PDE8B: variants seen among roughly 807,000 people sequenced by gnomAD.
PDE8B encodes the protein phosphodiesterase 8B.
A neutral mutation model predicts 101.3 loss-of-function variants in PDE8B; 26 were observed. The observed-to-expected ratio is 0.26, with a 90% CI of 0.19 to 0.36. The LOEUF (loss-of-function observed/expected upper bound fraction) is 0.36. Among genes scored for constraint, PDE8B ranks in the 10% least tolerant of loss-of-function variants. The probability of loss-of-function intolerance (pLI) is 1.00; values close to 1 mark genes in which losing one functional copy is unlikely to be tolerated. For missense variants in PDE8B, 810 were observed against 1,163.1 expected (o/e 0.70, Z 4.42); for synonymous variants, 424 against 429.3 (o/e 0.99, Z 0.15).
intron 3 of PDE8B, 84 bp downstream of exon 3, chr5:77,325,813 T>C: frequency 1.0e-6 from 1 of 962,706 alleles, no homozygotes; most frequent in East Asian, 2.6e-5. Context: ...TTTAGTTTAT[T>C]TCAAATATTT....
the PDE8B span, among the ~76,000 whole-genome samples, chr5:77,198,314 CTGTT>C: frequency 2.6e-5 from 4 of 152,136 alleles, no homozygotes; most frequent in Non-Finnish European, 5.9e-5. Flanking sequence ...GCTCTGTAAA[CTGTT>C]TGCTTACAGC....
the PDE8B span, among the ~76,000 whole-genome samples, chr5:77,154,859 G>C: frequency 2.0e-5 from 3 of 152,224 alleles, no homozygotes; most frequent in Non-Finnish European, 4.4e-5. Context: ...ATGGTGCCCT[G>C]CAGTGGATTC....
At chr5:77,283,696 C>T (rs891750658) in intron 1 of PDE8B, among the ~76,000 whole-genome samples, 1 of 152,146 alleles carries the variant, frequency 6.6e-6, no homozygotes, top group African/African-American at 2.4e-5. Flanking sequence ...GAGTAATATT[C>T]CATCATTAGA....
Position 77,418,261 on chromosome 5 carries a change from C to A in PDE8B, c.1944C>A (p.Ala648=). The change falls in exon 18 of 22, where the codon GCC becomes GCA. Residue 648 remains alanine, a synonymous_variant. Transcript: ENST00000264917. The part of the protein sequence containing the change: ...GSLDQLDEVA[A]LIAATVHDVD... ...TCGATCAGTTGGATGAGGTGGCAGC[C>A]CTCATTGCTGCCACAGTCCATGACG... 1 of 1,612,476 alleles carries A rather than the reference C, an allele frequency of 6.2e-7. No individual in the cohort carries two copies. Among genetic ancestry groups the A allele is most frequent in the African/African-American group, 1.3e-5 (1 of 75,004 alleles).
At chr5:77,287,918 G>A (rs927115920) in intron 1 of PDE8B, among the ~76,000 whole-genome samples, 7 of 152,198 alleles carry the variant, frequency 4.6e-5, no homozygotes, top group Middle Eastern at 3.4e-3. Context: ...GATCTTCCAC[G>A]TGTCTGTTTA....
the PDE8B span, among the ~76,000 whole-genome samples, chr5:77,097,709 A>ATATATATATATC: frequency 3.0e-5 from 1 of 33,710 alleles, no homozygotes; most frequent in African/African-American, 5.1e-5. Context: ...ATATATATCT[A>ATATATATATATC]TATATATATA....
the PDE8B span, among the ~76,000 whole-genome samples, chr5:77,102,392 C>T: frequency 2.6e-5 from 4 of 152,172 alleles, no homozygotes; most frequent in African/African-American, 9.7e-5. Flanking sequence ...GATTTCTTGA[C>T]ATCTCACAGC....
intron 1 of PDE8B, among the ~76,000 whole-genome samples, chr5:77,223,550 A>G (rs1288964960): frequency 1.3e-5 from 2 of 152,132 alleles, no homozygotes; most frequent in Admixed American, 1.3e-4. Context: ...TGAAATTTAC[A>G]TCAAGGTTCT....
At chr5:77,197,182 G>A in the PDE8B span, among the ~76,000 whole-genome samples, 5 of 146,424 alleles carry the variant, frequency 3.4e-5, no homozygotes, top group African/African-American at 1.0e-4. Context: ...GCATGATCTC[G>A]GCTCACTTCA....
chr5:77,291,678 G>C, intron 1 of PDE8B: 1 of 1,596,044 alleles, frequency 6.3e-7, no homozygotes, highest in Non-Finnish European at 8.6e-7. Flanking sequence ...CTTTGGAGGA[G>C]AAAAGCACAC....
intron 2 of PDE8B, among the ~76,000 whole-genome samples, chr5:77,317,582 A>G (rs1263676465): frequency 1.3e-5 from 2 of 152,220 alleles, no homozygotes; most frequent in African/African-American, 4.8e-5. Flanking sequence ...CCCACAGGGA[A>G]AGTCATATTT....
rs114137331 is a variant in PDE8B at position 77,272,786 on chromosome 5, G to A, written c.340-39208G>A. 6.9e-3 allele frequency among the ~76,000 whole-genome samples: 1,047 copies of A among 152,276 alleles called. 32 individuals are homozygous for A. Among genetic ancestry groups the A allele is most frequent in the East Asian group, 0.056 (292 of 5,184 alleles). On this transcript the variant is annotated intron_variant, in intron 1 of 21. Transcript: ENST00000264917. ...TAGTATAAAGGGGGCAAAAATAACC[G>A]AAGGTCCTAGCAAGAGCCATATGGA... is the stretch of plus-strand genomic sequence containing the variant.
the PDE8B span, among the ~76,000 whole-genome samples, chr5:77,124,452 G>A: frequency 7.2e-5 from 11 of 152,114 alleles, no homozygotes; most frequent in African/African-American, 2.2e-4. Flanking sequence ...TTCATGTGTG[G>A]TGGTGCACAC....
intron 6 of PDE8B, among the ~76,000 whole-genome samples, chr5:77,338,150 C>T (rs1778533209): frequency 6.6e-6 from 1 of 152,236 alleles, no homozygotes; most frequent in African/African-American, 2.4e-5. Context: ...CTCTGGCTGA[C>T]TGAGAAGTCA....
At chr5:77,255,058 TCCCTCCGAAGTGGTG>T (rs1248419232) in intron 1 of PDE8B, among the ~76,000 whole-genome samples, 2 of 152,144 alleles carry the variant, frequency 1.3e-5, no homozygotes, top group Non-Finnish European at 2.9e-5. Flanking sequence ...GTTACCTCCC[TCCCTCCGAAGTGGTG>T]CCCTCCCAAG....
At chr5:77,358,654 G>A (rs1782553941) in intron 10 of PDE8B, among the ~76,000 whole-genome samples, 1 of 152,196 alleles carries the variant, frequency 6.6e-6, no homozygotes, top group Non-Finnish European at 1.5e-5. Context: ...TGATCTATAT[G>A]TAGCCAATAT....
At chr5:77,203,748 CT>C in the PDE8B span, among the ~76,000 whole-genome samples, 2 of 152,180 alleles carry the variant, frequency 1.3e-5, no homozygotes, top group Non-Finnish European at 2.9e-5. Context: ...CTGTTTCTGT[CT>C]TGTTTCTCAG....
At chr5:77,155,305 A>G in the PDE8B span, among the ~76,000 whole-genome samples, 1 of 152,192 alleles carries the variant, frequency 6.6e-6, no homozygotes, top group African/African-American at 2.4e-5. Context: ...ATGCAACACA[A>G]TGTAGCCGCA....
rs549574873 is a variant in PDE8B, at chr5:77,247,694, C to T, written c.339+36430C>T. Among the ~76,000 whole-genome samples, 6 of 152,296 alleles carry T rather than the reference C, an allele frequency of 3.9e-5. 1 individual carries two copies. In the South Asian group the frequency reaches 1.2e-3, roughly 32 times the overall value. Reference sequence around the variant, plus strand: ...GTGGGGAGGTCACCACAGCAGTCAGCAAAGTCTCCCTCCTGTATCTAGGGC... The same window carrying T: ...GTGGGGAGGTCACCACAGCAGTCAGTAAAGTCTCCCTCCTGTATCTAGGGC... On this transcript the variant is annotated intron_variant, in intron 1 of 21. Coordinates refer to ENST00000264917, the MANE Select transcript of PDE8B (RefSeq NM_003719.5).
Sources: gnomAD v4.1 joint callset for allele counts (sites outside exome capture counted in the v4.1 genomes callset) on GRCh38, gnomAD v4.1.1 for gene constraint, MANE v1.5 for transcripts, NCBI Gene and HGNC (gene_info 2026-07-23, HGNC 2026-07-21) for gene names.